TMEM132D: variants seen among roughly 807,000 people sequenced by gnomAD.
TMEM132D encodes the protein transmembrane protein 132D.
Under a neutral mutation model 62.3 loss-of-function variants are expected in TMEM132D, and 21 were observed. The observed-to-expected ratio is 0.34, with a 90% CI of 0.24 to 0.49. The LOEUF (loss-of-function observed/expected upper bound fraction) is 0.49, where lower values mean the gene tolerates loss of function less well. Ranked by LOEUF, TMEM132D falls within the 20% of genes least tolerant of loss-of-function variation. The probability of loss-of-function intolerance (pLI) is 0.99; values close to 1 mark genes in which losing one functional copy is unlikely to be tolerated. For missense variants in TMEM132D, 1,346 were observed against 1,402.8 expected (o/e 0.96, Z 0.65); for synonymous variants, 621 against 575.6 (o/e 1.08, Z -1.13).
At chr12:129,319,519 G>A (rs79229966) in intron 4 of TMEM132D, among the ~76,000 whole-genome samples, 3,783 of 152,232 alleles carry the variant, frequency 0.025, 170 homozygotes, top group African/African-American at 0.083. Flanking sequence ...TGTCCTTAAA[G>A]TGACTGTGAG....
At chr12:129,548,753 C>G (rs1876809520) in intron 2 of TMEM132D, among the ~76,000 whole-genome samples, 1 of 152,186 alleles carries the variant, frequency 6.6e-6, no homozygotes, top group South Asian at 2.1e-4. Flanking sequence ...CCCTTCCAAC[C>G]CAGGTGAATG....
intron 3 of TMEM132D, among the ~76,000 whole-genome samples, chr12:129,339,627 G>T (rs1869403259): frequency 6.6e-6 from 1 of 152,140 alleles, no homozygotes; most frequent in Admixed American, 6.5e-5. Context: ...TGAAGCCCCT[G>T]ACTGGCATTT....
intron 3 of TMEM132D, among the ~76,000 whole-genome samples, chr12:129,352,087 A>T (rs1869885216): frequency 6.6e-6 from 1 of 152,182 alleles, no homozygotes; most frequent in Non-Finnish European, 1.5e-5. Context: ...AGGGCTGGAA[A>T]GTGAGGCTGG....
intron 3 of TMEM132D, among the ~76,000 whole-genome samples, chr12:129,463,437 C>T (rs984189966): frequency 7.6e-6 from 1 of 130,736 alleles, no homozygotes; most frequent in Admixed American, 8.1e-5. Context: ...GGATCCCTGT[C>T]CTATTTATTT....
At chr12:129,530,697 A>T (rs887074225) in intron 3 of TMEM132D, among the ~76,000 whole-genome samples, 1 of 152,198 alleles carries the variant, frequency 6.6e-6, no homozygotes, top group Non-Finnish European at 1.5e-5. Flanking sequence ...TCTGGTTTCT[A>T]ACACTTGCAA....
At chr12:129,316,409 C>T (rs1342950404) in intron 4 of TMEM132D, among the ~76,000 whole-genome samples, 1 of 152,102 alleles carries the variant, frequency 6.6e-6, no homozygotes, top group African/African-American at 2.4e-5. Context: ...TGACCCAATG[C>T]TCATTCAGGA....
chr12:129,638,259 A>G (rs945337048), intron 2 of TMEM132D, among the ~76,000 whole-genome samples: 4 of 152,160 alleles, frequency 2.6e-5, no homozygotes, highest in African/African-American at 4.8e-5. Context: ...GTTTCACCAT[A>G]TCACATGGGA....
chr12:129,760,276 A>T (rs1870309699), intron 1 of TMEM132D, among the ~76,000 whole-genome samples: 1 of 147,620 alleles, frequency 6.8e-6, no homozygotes, highest in Non-Finnish European at 1.5e-5. Flanking sequence ...ATGATGTTAT[A>T]TGACTTAAGT....
intron 4 of TMEM132D, among the ~76,000 whole-genome samples, chr12:129,215,284 C>A (rs1017646086): frequency 7.9e-5 from 12 of 152,158 alleles, no homozygotes; most frequent in Non-Finnish European, 1.5e-4. Flanking sequence ...ATGATGAGAA[C>A]ACATGAACAC....
At chr12:129,370,262 G>GA (rs1870552003) in intron 3 of TMEM132D, among the ~76,000 whole-genome samples, 1 of 152,206 alleles carries the variant, frequency 6.6e-6, no homozygotes, top group Non-Finnish European at 1.5e-5. Context: ...GAGACATTGA[G>GA]AAACATTTCA....
chr12:129,218,908 T>C (rs1450872849), intron 4 of TMEM132D, among the ~76,000 whole-genome samples: 1 of 152,156 alleles, frequency 6.6e-6, no homozygotes, highest in Non-Finnish European at 1.5e-5. Context: ...GTTGCAGTGG[T>C]GCCCAGAGGA....
At chr12:129,162,171 G>C (rs1304517650) in intron 5 of TMEM132D, among the ~76,000 whole-genome samples, 1 of 152,054 alleles carries the variant, frequency 6.6e-6, no homozygotes. Flanking sequence ...AGGTCATAAG[G>C]GTGGGGCCCT....
intron 1 of TMEM132D, 104 bp from the exon 2 acceptor site, chr12:129,700,802 G>A (rs1881369277): frequency 5.3e-6 from 7 of 1,314,286 alleles, no homozygotes; most frequent in Admixed American, 5.4e-5. Flanking sequence ...CCCTGTCTTC[G>A]CGCCAATTAT....
chr12:129,293,906 G>A (rs1240950435), intron 4 of TMEM132D, among the ~76,000 whole-genome samples: 1 of 152,130 alleles, frequency 6.6e-6, no homozygotes, highest in African/African-American at 2.4e-5. Context: ...ATAGCCTAGG[G>A]GTTGGGGACT....
intron 1 of TMEM132D, among the ~76,000 whole-genome samples, chr12:129,837,050 C>T (rs1873027129): frequency 6.6e-6 from 1 of 152,136 alleles, no homozygotes; most frequent in African/African-American, 2.4e-5. Flanking sequence ...CTCTAGGAAA[C>T]GGAAACCATG....
At position 129,899,394 on chromosome 12, in the gene TMEM132D, AATGGATGGATGC is replaced by A. The variant is rs1181519279; in HGVS notation, c.79+3855_79+3866del. ...TGGACTGGTAGATGGATGGGTGGATAATGGATGGATGCATGGATGGATGGATGGATGGATGGA... is the reference window on the plus strand; with the variant it reads ...TGGACTGGTAGATGGATGGGTGGATAATGGATGGATGGATGGATGGATGGA... On this transcript the variant is annotated intron_variant, in intron 1 of 8. Coordinates refer to ENST00000422113, the MANE Select transcript of TMEM132D (RefSeq NM_133448.3). 7.5e-5 allele frequency among the ~76,000 whole-genome samples: 7 copies of A among 92,932 alleles called. 1 individual carries two copies. The highest frequency in any genetic ancestry group is 1.6e-4 in the African/African-American group (3 of 18,778). 61.0% of individuals were successfully genotyped at this position (92,932 alleles called of 152,430 possible).
intron 2 of TMEM132D, among the ~76,000 whole-genome samples, chr12:129,533,412 T>G (rs1235298014): frequency 6.6e-6 from 1 of 152,260 alleles, no homozygotes; most frequent in African/African-American, 2.4e-5. Flanking sequence ...GCTACTATTA[T>G]ACTAAGATGA....
At chr12:129,845,863 C>A (rs964966386) in intron 1 of TMEM132D, among the ~76,000 whole-genome samples, 2 of 152,212 alleles carry the variant, frequency 1.3e-5, no homozygotes, top group Non-Finnish European at 2.9e-5. Flanking sequence ...ACAGGCCGTG[C>A]TCCCAGAGCA....
intron 1 of TMEM132D, among the ~76,000 whole-genome samples, chr12:129,898,457 C>T (rs1875223156): frequency 6.6e-6 from 1 of 152,200 alleles, no homozygotes; most frequent in Non-Finnish European, 1.5e-5. Flanking sequence ...ATATTCACAT[C>T]CAAATCCCTG....
Sources: allele counts gnomAD v4.1 joint callset (sites outside exome capture counted in the v4.1 genomes callset), GRCh38; gene constraint gnomAD v4.1.1; transcripts MANE v1.5; gene names NCBI Gene and HGNC (gene_info 2026-07-23, HGNC 2026-07-21).